Variants in FBXL17 observed in about 807,000 individuals in gnomAD.
The protein encoded by FBXL17 is F-box and leucine rich repeat protein 17.
A neutral mutation model predicts 66.2 loss-of-function variants in FBXL17; 22 were observed. The observed-to-expected ratio is 0.33, with a 90% CI of 0.24 to 0.47. The LOEUF is 0.47. Among genes scored for constraint, FBXL17 ranks in the 20% least tolerant of loss-of-function variants. The pLI, the probability that FBXL17 is intolerant of heterozygous loss-of-function variation, is 1.00. For missense variants in FBXL17, 878 were observed against 948.2 expected, an observed-to-expected ratio of 0.93 and a Z score of 0.97; for synonymous variants, 474 against 400.5, an observed-to-expected ratio of 1.18 and a Z score of -2.19.
At chr5:108,156,456 T>C (rs1752000326) in intron 6 of FBXL17, among the ~76,000 whole-genome samples, 1 of 152,012 alleles carries the variant, frequency 6.6e-6, no homozygotes, top group South Asian at 2.1e-4. Flanking sequence ...CATAATCCTA[T>C]TTATATATCT....
intron 6 of FBXL17, among the ~76,000 whole-genome samples, chr5:108,047,986 C>T (rs915477797): frequency 2.6e-5 from 4 of 152,244 alleles, no homozygotes; most frequent in Admixed American, 1.3e-4. Flanking sequence ...TGCCACCCAA[C>T]TGGGTGAGAC....
chr5:108,216,168 G>C (rs561864026), intron 5 of FBXL17, among the ~76,000 whole-genome samples: 1 of 151,522 alleles, frequency 6.6e-6, no homozygotes, highest in African/African-American at 2.4e-5. Context: ...AGATAGTTAC[G>C]GCTCTTCAGT....
intron 6 of FBXL17, among the ~76,000 whole-genome samples, chr5:108,045,601 C>T (rs1247576891): frequency 6.6e-6 from 1 of 152,024 alleles, no homozygotes; most frequent in Admixed American, 6.6e-5. Flanking sequence ...TATAAATTTC[C>T]TCTTAGCACT....
chr5:107,875,281 C>T (rs970788036), intron 8 of FBXL17, among the ~76,000 whole-genome samples: 1 of 152,124 alleles, frequency 6.6e-6, no homozygotes, highest in Non-Finnish European at 1.5e-5. Flanking sequence ...GGACACAGTG[C>T]CCTCAAATTA....
chr5:108,059,113 T>C (rs551114240), intron 6 of FBXL17, among the ~76,000 whole-genome samples: 9 of 152,318 alleles, frequency 5.9e-5, no homozygotes, highest in Non-Finnish European at 1.3e-4. Flanking sequence ...GTATAAGACC[T>C]ATTAATATTC....
chr5:108,097,977 T>C (rs527706939), intron 6 of FBXL17, among the ~76,000 whole-genome samples: 2 of 152,246 alleles, frequency 1.3e-5, no homozygotes, highest in African/African-American at 4.8e-5. Flanking sequence ...ACCCCTATAA[T>C]GTAAGCTCCA....
At chr5:108,328,363 A>G (rs1759958862) in intron 4 of FBXL17, among the ~76,000 whole-genome samples, 1 of 152,128 alleles carries the variant, frequency 6.6e-6, no homozygotes, top group African/African-American at 2.4e-5. Flanking sequence ...GGAGATGAAG[A>G]GAAGTATGTA....
intron 8 of FBXL17, among the ~76,000 whole-genome samples, chr5:107,874,809 A>G (rs1470940158): frequency 2.0e-5 from 3 of 152,210 alleles, no homozygotes; most frequent in African/African-American, 4.8e-5. Flanking sequence ...ATTACCAGGA[A>G]TAATCAGGAG....
intron 5 of FBXL17, among the ~76,000 whole-genome samples, chr5:108,200,831 T>C (rs1334823229): frequency 1.3e-5 from 2 of 152,196 alleles, no homozygotes; most frequent in African/African-American, 4.8e-5. Context: ...TAAATGCCTG[T>C]AATACGTCTG....
intron 3 of FBXL17, among the ~76,000 whole-genome samples, chr5:108,364,264 A>G (rs72793338): frequency 0.023 from 3,424 of 152,136 alleles, 59 homozygotes; most frequent in Middle Eastern, 0.037. Flanking sequence ...GCATAATACT[A>G]TTTTTAACCC....
intron 7 of FBXL17, among the ~76,000 whole-genome samples, chr5:107,994,395 T>C (rs546015812): frequency 8.6e-4 from 131 of 152,272 alleles, no homozygotes; most frequent in Middle Eastern, 3.4e-3. Context: ...GTGTGTTGTG[T>C]GTGTGTGTGT....
chr5:108,262,413 C>G (rs1432681223), intron 4 of FBXL17, among the ~76,000 whole-genome samples: 1 of 151,828 alleles, frequency 6.6e-6, no homozygotes, highest in African/African-American at 2.4e-5. Context: ...GGAAGAAAGT[C>G]CCAGAAAATA....
At chr5:108,048,511 A>C (rs1747345735) in intron 6 of FBXL17, among the ~76,000 whole-genome samples, 3 of 152,218 alleles carry the variant, frequency 2.0e-5, no homozygotes, top group Non-Finnish European at 4.4e-5. Context: ...AACTCTGCTG[A>C]GCTAAAGGAG....
chr5:108,319,283 G>A (rs938473658), intron 4 of FBXL17, among the ~76,000 whole-genome samples: 1 of 151,806 alleles, frequency 6.6e-6, no homozygotes, highest in African/African-American at 2.4e-5. Flanking sequence ...CATTAATTAT[G>A]TACCATCTGA....
intron 3 of FBXL17, among the ~76,000 whole-genome samples, chr5:108,351,777 AC>A (rs1561546630): frequency 6.6e-6 from 1 of 152,220 alleles, no homozygotes; most frequent in Admixed American, 6.5e-5. Context: ...AACAGTTAGT[AC>A]ACAAGCTAGA....
intron 7 of FBXL17, among the ~76,000 whole-genome samples, chr5:107,913,812 A>G (rs1750036133): frequency 6.6e-6 from 1 of 152,154 alleles, no homozygotes; most frequent in Admixed American, 6.6e-5. Context: ...GCTGTGGGTG[A>G]AAAGTCAAAT....
chr5:108,168,594 T>C lies in FBXL17; in HGVS notation c.1745+17523A>G, dbSNP rs547681749. ...CTACCTAGGTGGAATCCCAGGCAGT[T>C]TGCTCTATCTAAATGCTTGCAGGAC... On this transcript the variant is annotated intron_variant, in intron 6 of 8. Coordinates refer to ENST00000542267, the MANE Select transcript of FBXL17 (RefSeq NM_001163315.3). Among the ~76,000 whole-genome samples, 7 of 152,284 alleles carry C rather than the reference T, an allele frequency of 4.6e-5. No homozygotes were observed. In the South Asian group the frequency reaches 6.2e-4, roughly 14 times the overall value.
intron 5 of FBXL17, among the ~76,000 whole-genome samples, chr5:108,209,138 T>C (rs1754256051): frequency 6.6e-6 from 1 of 152,224 alleles, no homozygotes; most frequent in Admixed American, 6.5e-5. Context: ...ATAGGAATGC[T>C]TGTGATTTTT....
intron 6 of FBXL17, among the ~76,000 whole-genome samples, chr5:108,172,816 T>G (rs1352634218): frequency 6.6e-6 from 1 of 152,196 alleles, no homozygotes; most frequent in Non-Finnish European, 1.5e-5. Flanking sequence ...TTATTGTTTT[T>G]TGAGATGGAG....
Sources: allele counts gnomAD v4.1 joint callset (sites outside exome capture counted in the v4.1 genomes callset), GRCh38; gene constraint gnomAD v4.1.1; transcripts MANE v1.5; gene names NCBI Gene and HGNC (gene_info 2026-07-23, HGNC 2026-07-21).